SPMAP2L: variants seen among roughly 807,000 people sequenced by gnomAD.
SPMAP2L encodes sperm microtubule associated protein 2-like.
chr4:56,617,365 G>A, the SPMAP2L span, among the ~76,000 whole-genome samples: 1 of 152,186 alleles, frequency 6.6e-6, no homozygotes, highest in African/African-American at 2.4e-5. Context: ...TCGTTGTGCA[G>A]CACATGACTG....
the SPMAP2L span, chr4:56,603,219 CGTATTGT>C: frequency 6.5e-7 from 1 of 1,528,998 alleles, no homozygotes; most frequent in Non-Finnish European, 8.7e-7. Context: ...GGCTCCTGTG[CGTATTGT>C]GTATTATGAT....
chr4:56,530,859 C>T, the SPMAP2L span: 1 of 1,534,812 alleles, frequency 6.5e-7, no homozygotes, highest in Non-Finnish European at 8.7e-7. Context: ...CCGAGGAACC[C>T]GAGGAGGTCA....
the SPMAP2L span, among the ~76,000 whole-genome samples, chr4:56,566,775 C>T: frequency 7.1e-5 from 10 of 141,380 alleles, no homozygotes; most frequent in African/African-American, 2.3e-4. Flanking sequence ...CAGCTCACTG[C>T]AACCTCCGCC....
chr4:56,531,508 T>C, the SPMAP2L span, among the ~76,000 whole-genome samples: 2 of 152,302 alleles, frequency 1.3e-5, no homozygotes, highest in African/African-American at 4.8e-5. Context: ...GGGTTGCACT[T>C]TGAATGTTAC....
chr4:56,594,535 G>A, the SPMAP2L span: 45 of 1,608,210 alleles, frequency 2.8e-5, no homozygotes, highest in African/African-American at 4.7e-4. Context: ...ATGCTGGACT[G>A]GCCACTATCC....
At chr4:56,534,764 T>C in the SPMAP2L span, among the ~76,000 whole-genome samples, 5 of 151,952 alleles carry the variant, frequency 3.3e-5, no homozygotes, top group Non-Finnish European at 5.9e-5. Context: ...CCGTCTCTGC[T>C]AAAAATACAA....
the SPMAP2L span, chr4:56,595,061 C>T: frequency 2.1e-5 from 34 of 1,609,484 alleles, no homozygotes; most frequent in South Asian, 3.3e-5. Context: ...ACCGTCAGTG[C>T]GGCCCCATGG....
the SPMAP2L span, among the ~76,000 whole-genome samples, chr4:56,572,941 A>T: frequency 6.6e-6 from 1 of 151,622 alleles, no homozygotes; most frequent in Admixed American, 6.6e-5. Context: ...CCTTGAACCC[A>T]GGAGGCAGAG....
chr4:56,541,578 AC>A, the SPMAP2L span, among the ~76,000 whole-genome samples: 9,170 of 152,158 alleles, frequency 0.06, 481 homozygotes, highest in East Asian at 0.2. Context: ...ACCCCTATGT[AC>A]CCATTACGTA....
chr4:56,600,808 C>T, the SPMAP2L span: 1 of 930,102 alleles, frequency 1.1e-6, no homozygotes, highest in South Asian at 1.8e-5. Flanking sequence ...AGCAGAGAGA[C>T]CAGTTACGAG....
the SPMAP2L span, chr4:56,593,473 G>A: frequency 1.3e-6 from 2 of 1,593,472 alleles, no homozygotes; most frequent in Non-Finnish European, 1.7e-6. Flanking sequence ...GGGGAAGGTG[G>A]AAGACTTTAC....
chr4:56,607,771 T>G, the SPMAP2L span, among the ~76,000 whole-genome samples: 1 of 152,066 alleles, frequency 6.6e-6, no homozygotes, highest in Non-Finnish European at 1.5e-5. Flanking sequence ...GAGGATAGCT[T>G]GAGCCCAGGA....
chr4:56,622,690 G>A, the SPMAP2L span, among the ~76,000 whole-genome samples: 1 of 152,098 alleles, frequency 6.6e-6, no homozygotes, highest in Non-Finnish European at 1.5e-5. Context: ...TAATCCAGGA[G>A]AACTCAAACT....
chr4:56,590,824 C>A, the SPMAP2L span, among the ~76,000 whole-genome samples: 1 of 152,114 alleles, frequency 6.6e-6, no homozygotes, highest in South Asian at 2.1e-4. Flanking sequence ...TTTCATTTTC[C>A]CAGAGGCTGA....
At chr4:56,575,801 A>G in the SPMAP2L span, among the ~76,000 whole-genome samples, 2 of 152,230 alleles carry the variant, frequency 1.3e-5, no homozygotes, top group Non-Finnish European at 2.9e-5. Context: ...TATTGTAGGT[A>G]ATCAGAAGTT....
chr4:56,548,616 A>G, the SPMAP2L span, among the ~76,000 whole-genome samples: 1 of 152,210 alleles, frequency 6.6e-6, no homozygotes, highest in Non-Finnish European at 1.5e-5. Flanking sequence ...TAAAATACTT[A>G]ACTCCTTGAT....
At chr4:56,595,550 T>C in the SPMAP2L span, 1 of 1,446,824 alleles carries the variant, frequency 6.9e-7, no homozygotes, top group Admixed American at 1.7e-5. Flanking sequence ...CGGCCTTATA[T>C]TCCAGAGAGG....
chr4:56,535,776 CAT>C, the SPMAP2L span, among the ~76,000 whole-genome samples: 1 of 152,194 alleles, frequency 6.6e-6, no homozygotes. Context: ...TCCCTTAGAA[CAT>C]AAATTATATG....
At chr4:56,549,495 T>C in the SPMAP2L span, among the ~76,000 whole-genome samples, 1 of 151,988 alleles carries the variant, frequency 6.6e-6, no homozygotes, top group Admixed American at 6.6e-5. Context: ...GTACCCTTTA[T>C]GAAAAAAAGA....
Sources: gnomAD v4.1 joint callset for allele counts (sites outside exome capture counted in the v4.1 genomes callset) on GRCh38, gnomAD v4.1.1 for gene constraint, MANE v1.5 for transcripts, NCBI Gene and HGNC (gene_info 2026-07-23, HGNC 2026-07-21) for gene names.